CSMD1: variants seen among roughly 807,000 people sequenced by gnomAD.
CSMD1 encodes the protein CUB and sushi domain-containing protein 1.
A neutral mutation model predicts 417.5 loss-of-function variants in CSMD1; 213 were observed. The ratio of observed to expected loss-of-function variants is 0.51; its 90% CI spans 0.46 to 0.57. The LOEUF (loss-of-function observed/expected upper bound fraction) is 0.57. CSMD1 is among the 20% of genes least tolerant of loss of function. The pLI, the probability that CSMD1 is intolerant of heterozygous loss-of-function variation, is 0.00. For synonymous variants in CSMD1, 2,862 were observed against 1,736.8 expected, an observed-to-expected ratio of 1.65 and a Z score of -16.11; for missense variants, 6,923 against 4,529.7, an observed-to-expected ratio of 1.53 and a Z score of -15.17.
intron 1 of CSMD1, among the ~76,000 whole-genome samples, chr8:4,929,165 A>G (rs1341613408): frequency 6.6e-6 from 1 of 152,204 alleles, no homozygotes; most frequent in Non-Finnish European, 1.5e-5. Context: ...AGAGAAAGAC[A>G]TCAGAGAAGC....
intron 3 of CSMD1, among the ~76,000 whole-genome samples, chr8:4,394,020 T>C (rs909503331): frequency 1.3e-5 from 2 of 152,196 alleles, no homozygotes; most frequent in African/African-American, 2.4e-5. Context: ...CATGGCTGCC[T>C]TCAAAGAACA....
At chr8:4,111,353 G>A (rs1458511212) in intron 3 of CSMD1, among the ~76,000 whole-genome samples, 1 of 152,112 alleles carries the variant, frequency 6.6e-6, no homozygotes, top group African/African-American at 2.4e-5. Context: ...CTTGGGAAAA[G>A]TTTATTGATG....
At chr8:4,532,067 A>C (rs1256329270) in intron 2 of CSMD1, among the ~76,000 whole-genome samples, 2 of 141,030 alleles carry the variant, frequency 1.4e-5, no homozygotes, top group East Asian at 4.4e-4. Flanking sequence ...TAAATCCCGC[A>C]CCCTCATTCA....
chr8:4,748,434 T>A (rs1029041276), intron 1 of CSMD1, among the ~76,000 whole-genome samples: 18 of 152,190 alleles, frequency 1.2e-4, no homozygotes, highest in African/African-American at 4.3e-4. Flanking sequence ...TGCTGCAGTA[T>A]CATATTTATG....
At chr8:3,461,674 A>T (rs1158719138) in intron 12 of CSMD1, among the ~76,000 whole-genome samples, 4 of 152,204 alleles carry the variant, frequency 2.6e-5, no homozygotes, top group Admixed American at 1.3e-4. Flanking sequence ...CCTCACCAGT[A>T]ATGGAAGCAG....
intron 5 of CSMD1, among the ~76,000 whole-genome samples, chr8:3,888,252 C>A (rs980632921): frequency 5.9e-5 from 9 of 152,120 alleles, no homozygotes; most frequent in African/African-American, 2.2e-4. Flanking sequence ...ATGTGATGAT[C>A]TGCTAAATAC....
At chr8:3,449,692 A>T (rs981557336) in intron 12 of CSMD1, among the ~76,000 whole-genome samples, 1 of 151,906 alleles carries the variant, frequency 6.6e-6, no homozygotes, top group South Asian at 2.1e-4. Flanking sequence ...TAATTTTTGT[A>T]TTTTTAGTAG....
At chr8:3,307,124 GTGTATTTCT>G (rs1346943861) in intron 25 of CSMD1, among the ~76,000 whole-genome samples, 4 of 152,154 alleles carry the variant, frequency 2.6e-5, no homozygotes, top group Non-Finnish European at 5.9e-5. Flanking sequence ...GAACAGTAGA[GTGTATTTCT>G]TCATATCTTG....
chr8:4,151,520 G>C (rs1585429579), intron 3 of CSMD1, among the ~76,000 whole-genome samples: 1 of 152,174 alleles, frequency 6.6e-6, no homozygotes, highest in South Asian at 2.1e-4. Flanking sequence ...GATTTTGGTA[G>C]TGAAACTTTA....
At chr8:4,261,717 G>C (rs1054585777) in intron 3 of CSMD1, among the ~76,000 whole-genome samples, 9 of 152,026 alleles carry the variant, frequency 5.9e-5, no homozygotes, top group South Asian at 2.1e-4. Context: ...GCTGAGAGCA[G>C]ATCTTAAATG....
chr8:3,871,761 T>C (rs901184656), intron 5 of CSMD1, among the ~76,000 whole-genome samples: 4 of 152,172 alleles, frequency 2.6e-5, no homozygotes, highest in Non-Finnish European at 5.9e-5. Flanking sequence ...GTGGGTAAAA[T>C]GGTGGATGAC....
At position 4,198,838 on chromosome 8, in the gene CSMD1, AG is replaced by A. The variant is rs1263948394; in HGVS notation, c.416-166740del. Among the ~76,000 whole-genome samples, 4 of 152,134 alleles carry A rather than the reference AG, an allele frequency of 2.6e-5. 1 individual carries two copies. The highest frequency in any genetic ancestry group is 9.7e-5 in the African/African-American group (4 of 41,426). ...GCACAAAAAGTTAAAGTACCATCTC[AG>A]GAGAGACAGCGCAACAATATCACGT... On this transcript the variant is annotated intron_variant, in intron 3 of 69. Transcript: ENST00000635120.
Position 3,964,828 on chromosome 8 carries a change from A to T in CSMD1, c.818+33075T>A, listed in dbSNP as rs146345660. 3.4e-3 allele frequency among the ~76,000 whole-genome samples: 517 copies of T among 152,326 alleles called. 1 individual carries two copies. Among genetic ancestry groups the T allele is most frequent in the Admixed American group, 8.8e-3 (134 of 15,296 alleles). ...GTTAAGCTCACAAATGAAATAATAC[A>T]CGGTTATTCACTTAGTGGGGTTTCC... On this transcript the variant is annotated intron_variant, in intron 5 of 69. Transcript: ENST00000635120.
chr8:4,008,900 G>A (rs2740958), intron 4 of CSMD1, among the ~76,000 whole-genome samples: 55,677 of 151,876 alleles, frequency 0.37, 10,246 homozygotes, highest in East Asian at 0.43. Context: ...GTGAGCCACC[G>A]CGCCCAGTCT....
At chr8:3,106,704 G>T in intron 45 of CSMD1, 63 bp from the exon 46 acceptor site, 2 of 883,796 alleles carry the variant, frequency 2.3e-6, no homozygotes, top group Non-Finnish European at 3.7e-6. Context: ...GTGAAGGTGT[G>T]ACACATGTAG....
chr8:4,035,072 A>C (rs1368565285), intron 3 of CSMD1, among the ~76,000 whole-genome samples: 1 of 152,222 alleles, frequency 6.6e-6, no homozygotes, highest in Non-Finnish European at 1.5e-5. Flanking sequence ...CAGAAAGATC[A>C]ACGAAACATT....
intron 2 of CSMD1, among the ~76,000 whole-genome samples, chr8:4,454,265 C>T (rs1198959781): frequency 1.3e-5 from 2 of 152,178 alleles, no homozygotes; most frequent in Non-Finnish European, 2.9e-5. Context: ...CCTCTCACTG[C>T]CTAACTGGAC....
chr8:3,718,034 G>A (rs1166672470), intron 6 of CSMD1, among the ~76,000 whole-genome samples: 1 of 152,060 alleles, frequency 6.6e-6, no homozygotes, highest in Admixed American at 6.6e-5. Context: ...TGCCCACATT[G>A]TTTTAGTACA....
chr8:4,700,666 G>A (rs1807468090), intron 1 of CSMD1, among the ~76,000 whole-genome samples: 2 of 152,064 alleles, frequency 1.3e-5, no homozygotes, highest in African/African-American at 4.8e-5. Context: ...GACACATAAA[G>A]AGAATATACT....
Sources: gnomAD v4.1 joint callset for allele counts (sites outside exome capture counted in the v4.1 genomes callset) on GRCh38, gnomAD v4.1.1 for gene constraint, MANE v1.5 for transcripts, NCBI Gene and HGNC (gene_info 2026-07-23, HGNC 2026-07-21) for gene names.